The following TARP variants were observed in gnomAD, a reference collection of about 807,000 sequenced individuals.
chr7:38,272,044 T>C, the TARP span, among the ~76,000 whole-genome samples: 1 of 151,512 alleles, frequency 6.6e-6, no homozygotes, highest in African/African-American at 2.4e-5. Context: ...AAAAATCACC[T>C]TGTATTCAGG....
At chr7:38,273,044 G>T in the TARP span, among the ~76,000 whole-genome samples, 12 of 149,832 alleles carry the variant, frequency 8.0e-5, no homozygotes, top group South Asian at 2.1e-3. Context: ...TCTCATCCAG[G>T]CAAAATTACA....
the TARP span, among the ~76,000 whole-genome samples, chr7:38,268,994 T>C: frequency 6.6e-6 from 1 of 151,720 alleles, no homozygotes; most frequent in African/African-American, 2.4e-5. Context: ...GCTGAATTCA[T>C]ACTGTTATCC....
At chr7:38,266,403 C>A in the TARP span, among the ~76,000 whole-genome samples, 4 of 151,904 alleles carry the variant, frequency 2.6e-5, no homozygotes, top group Admixed American at 2.6e-4. Context: ...ACTTCCCAGG[C>A]TCAAGTGATC....
chr7:38,260,721 C>A, the TARP span, among the ~76,000 whole-genome samples: 3 of 151,814 alleles, frequency 2.0e-5, no homozygotes, highest in East Asian at 5.8e-4. Flanking sequence ...GAGAAAATTT[C>A]CATTTATATG....
At chr7:38,273,614 C>G in the TARP span, 1 of 1,598,008 alleles carries the variant, frequency 6.3e-7, no homozygotes. Flanking sequence ...GTTCCGGGAC[C>G]AAATACCTTG....
the TARP span, among the ~76,000 whole-genome samples, chr7:38,265,151 G>C: frequency 4.9e-4 from 74 of 151,164 alleles, 1 homozygote; most frequent in Middle Eastern, 3.4e-3. Flanking sequence ...CAAACCTTCA[G>C]TAACTTTTTC....
the TARP span, among the ~76,000 whole-genome samples, chr7:38,264,070 T>C: frequency 6.6e-6 from 1 of 151,990 alleles, no homozygotes; most frequent in African/African-American, 2.4e-5. Flanking sequence ...AAGTGTATCC[T>C]GAGTTCTCTC....
At chr7:38,266,922 G>C in the TARP span, among the ~76,000 whole-genome samples, 773 of 151,652 alleles carry the variant, frequency 5.1e-3, no homozygotes, top group Middle Eastern at 0.01. Context: ...TTAATCTTCT[G>C]CAGTAACGCA....
chr7:38,265,818 A>G, the TARP span: 2 of 673,882 alleles, frequency 3.0e-6, no homozygotes, highest in African/African-American at 1.8e-5. Context: ...TTCATCCAGG[A>G]TAGGCTGCAC....
chr7:38,268,184 A>G, the TARP span, among the ~76,000 whole-genome samples: 3 of 151,610 alleles, frequency 2.0e-5, no homozygotes, highest in East Asian at 5.8e-4. Context: ...AATAACAAAT[A>G]GAATTTACAT....
the TARP span, among the ~76,000 whole-genome samples, chr7:38,267,940 C>T: frequency 6.6e-6 from 1 of 151,066 alleles, no homozygotes; most frequent in Admixed American, 6.6e-5. Context: ...GCCTCTTGTC[C>T]CCTTTCTTTA....
chr7:38,265,584 A>C, the TARP span: 15 of 1,612,222 alleles, frequency 9.3e-6, no homozygotes, highest in Non-Finnish European at 1.3e-5. Flanking sequence ...TCTCAAGAAG[A>C]CAAAGGTATG....
chr7:38,265,805 C>T, the TARP span: 2 of 720,774 alleles, frequency 2.8e-6, no homozygotes, highest in Non-Finnish European at 4.7e-6. Flanking sequence ...TCCACTGCGG[C>T]CTTTCATCCA....
chr7:38,269,162 T>A, the TARP span, among the ~76,000 whole-genome samples: 64 of 151,818 alleles, frequency 4.2e-4, 1 homozygote, highest in African/African-American at 1.5e-3. Context: ...TGAATATGTG[T>A]CCACTCTGTA....
the TARP span, among the ~76,000 whole-genome samples, chr7:38,263,529 A>G: frequency 6.6e-6 from 1 of 151,590 alleles, no homozygotes; most frequent in African/African-American, 2.4e-5. Flanking sequence ...TGTTTTTATT[A>G]CAGGAGCTCA....
chr7:38,259,911 G>T, the TARP span: 1 of 604,212 alleles, frequency 1.7e-6, no homozygotes, highest in Non-Finnish European at 2.8e-6. Context: ...TTATTACAGA[G>T]TGAGGTTCTC....
chr7:38,262,158 C>T, the TARP span: 36 of 1,609,380 alleles, frequency 2.2e-5, no homozygotes, highest in Admixed American at 6.7e-5. Flanking sequence ...AAGGGAAAAA[C>T]ACAAAAGCTT....
At chr7:38,268,006 A>C in the TARP span, among the ~76,000 whole-genome samples, 16 of 151,440 alleles carry the variant, frequency 1.1e-4, no homozygotes, top group East Asian at 1.2e-3. Flanking sequence ...GAACTTCCAA[A>C]ACTTTCTCAA....
chr7:38,261,653 C>T, the TARP span, among the ~76,000 whole-genome samples: 5 of 151,486 alleles, frequency 3.3e-5, no homozygotes, highest in Admixed American at 2.0e-4. Context: ...GGGGGCAGAT[C>T]ACGAGGTCAC....
Sources: gnomAD v4.1 joint callset for allele counts (sites outside exome capture counted in the v4.1 genomes callset) on GRCh38, gnomAD v4.1.1 for gene constraint, MANE v1.5 for transcripts.